Variants in FBH1 observed in about 807,000 individuals in gnomAD.
The protein encoded by FBH1 is DNA 3'-5' helicase 1.
FBH1 carries 43 observed loss-of-function variants against 115.5 expected under a neutral mutation model. That is an observed-to-expected ratio of 0.37 (90% CI 0.29 to 0.48). The LOEUF (loss-of-function observed/expected upper bound fraction) is 0.48, where lower values mean the gene tolerates loss of function less well. Among genes scored for constraint, FBH1 ranks in the 20% least tolerant of loss-of-function variants. The pLI, the probability that FBH1 is intolerant of heterozygous loss-of-function variation, is 0.99. For missense variants in FBH1, 1,001 were observed against 1,337.3 expected, an observed-to-expected ratio of 0.75 and a Z score of 3.92; for synonymous variants, 524 against 507.8, an observed-to-expected ratio of 1.03 and a Z score of -0.43.
Position 5,921,213 on chromosome 10 carries a change from C to T in FBH1, c.2101-45C>T, listed in dbSNP as rs773157214. Reference sequence around the variant, plus strand: ...CAGCAGTGATGGAAATGCACGGACACACCACAGGGCGGGCTGCTGACTCCC... The same window carrying T: ...CAGCAGTGATGGAAATGCACGGACATACCACAGGGCGGGCTGCTGACTCCC... On this transcript the variant is annotated intron_variant, in intron 13 of 20. Transcript: ENST00000362091. The surrounding 1 kb of genome is among the most constrained non-coding windows in gnomAD (Gnocchi z 6.4). The T allele has an allele frequency of 2.5e-5, 39 of 1,580,780 alleles. No homozygotes were observed. Among genetic ancestry groups the T allele is most frequent in the Admixed American group, 1.2e-4 (7 of 59,748 alleles).
chr10:5,924,896 T>C lies in FBH1; in HGVS notation c.2596+388T>C, dbSNP rs79806475. On this transcript the variant is annotated intron_variant, in intron 17 of 20. Coordinates refer to ENST00000362091, the MANE Select transcript of FBH1 (RefSeq NM_178150.3). This position sits in a 1 kb window ranked among gnomAD's most constrained non-coding sequence, Gnocchi z 6.2. ...TGCTGTTTCTTCCCTGTGTGGAATATCTTTGAGCAAGGATGGCTTTATTGC... is the reference window on the plus strand; with the variant it reads ...TGCTGTTTCTTCCCTGTGTGGAATACCTTTGAGCAAGGATGGCTTTATTGC... The C allele has an allele frequency of 4.3e-4, 159 of 373,884 alleles. No individual in the cohort carries two copies. Among genetic ancestry groups the C allele is most frequent in the African/African-American group, 2.7e-3 (128 of 47,680 alleles). The allele number at this position is 373,884 out of a possible 1,614,324, so 23.2% of individuals were successfully genotyped here. A position where few individuals can be genotyped will look rare whatever the true frequency, so the allele number is the denominator to read the frequency against.
In FBH1 at chr10:5,909,392, T is replaced by TATATTTATAAATA; in HGVS notation, c.1020+98_1020+99insATATTTATAAATA. The TATATTTATAAATA allele has an allele frequency of 7.4e-7, 1 of 1,350,680 alleles. No homozygotes were observed. Among genetic ancestry groups the TATATTTATAAATA allele is most frequent in the Non-Finnish European group, 9.9e-7 (1 of 1,007,080 alleles). 83.7% of individuals were successfully genotyped at this position (1,350,680 alleles called of 1,614,324 possible). A position where few individuals can be genotyped will look rare whatever the true frequency, so the allele number is the denominator to read the frequency against. On this transcript the variant is annotated intron_variant, in intron 5 of 20. Coordinates refer to ENST00000362091, the MANE Select transcript of FBH1 (RefSeq NM_178150.3). The surrounding 1 kb of genome is among the most constrained non-coding windows in gnomAD (Gnocchi z 4.4). ...ATTGAGGATGACTTTATATTTATTTTTAATGTCTGTATTTAATCTCTGAAT... is the reference window on the plus strand; with the variant it reads ...ATTGAGGATGACTTTATATTTATTTTATATTTATAAATATAATGTCTGTATTTAATCTCTGAAT...
rs367666289 is a variant in FBH1, at chr10:5,918,486, C to T, written c.2100+8C>T. ...GTCTTCTATCTCACGCAGGTAAGTG[C>T]GCACTCTGCATGGGAGGCATTGCAT... On this transcript the variant is annotated splice_region_variant and intron_variant, in intron 13 of 20. Coordinates refer to ENST00000362091, the MANE Select transcript of FBH1 (RefSeq NM_178150.3). The surrounding 1 kb of genome is among the most constrained non-coding windows in gnomAD (Gnocchi z 4.0). The T allele has an allele frequency of 1.5e-5, 23 of 1,586,038 alleles. No individual in the cohort carries two copies. The highest frequency in any genetic ancestry group is 5.8e-5 in the Admixed American group (3 of 51,854).
In FBH1 at chr10:5,923,855, C is replaced by T; in HGVS notation, c.2398+159C>T. The T allele has an allele frequency of 3.1e-6, 2 of 643,280 alleles. No homozygotes were observed. The allele number at this position is 643,280 out of a possible 1,614,324, so 39.8% of individuals were successfully genotyped here. A position where few individuals can be genotyped will look rare whatever the true frequency, so the allele number is the denominator to read the frequency against. On this transcript the variant is annotated intron_variant, in intron 16 of 20. Transcript: ENST00000362091. The surrounding 1 kb of genome is among the most constrained non-coding windows in gnomAD (Gnocchi z 5.7). ...TGACGAGGGGGGTGCCTCGGGCCTCCTGTTTTCATAGGTACTGACAGATTT... is the reference window on the plus strand; with the variant it reads ...TGACGAGGGGGGTGCCTCGGGCCTCTTGTTTTCATAGGTACTGACAGATTT...
At chr10:5,904,977 T>C (rs1843608975) in intron 2 of FBH1, among the ~76,000 whole-genome samples, 1 of 152,224 alleles carries the variant, frequency 6.6e-6, no homozygotes, top group Non-Finnish European at 1.5e-5. Flanking sequence ...CTATGTATTA[T>C]TGATAAAGTG....
rs1589082261 is a variant in FBH1, at chr10:5,913,741, TGGTAGGA to T, written c.1212-5_1213del. ...GACTTTCTAAATCTACTTTTTTTTC[TGGTAGGA>T]TTCACTACAACATTTTCTATTGCCT... On this transcript the variant is annotated splice_acceptor_variant and splice_polypyrimidine_tract_variant and coding_sequence_variant and intron_variant, in exon 7 of 21. Coordinates refer to ENST00000362091, the MANE Select transcript of FBH1 (RefSeq NM_178150.3). LOFTEE classifies it high-confidence loss of function. This position sits in a 1 kb window ranked among gnomAD's most constrained non-coding sequence, Gnocchi z 4.4. 2.0e-6 allele frequency: 3 copies of T among 1,534,694 alleles called. No individual in the cohort carries two copies. The highest frequency in any genetic ancestry group is 2.5e-5 in the Admixed American group (1 of 40,776).
In FBH1 at chr10:5,933,821, A is replaced by AT. The variant is rs200723371; in HGVS notation, c.2830-2625dup. ...CCATACCTGGCTAATTTTTTTTGGT[A>AT]TTTTTTTTTTGTTAAAGACGAGGTT... On this transcript the variant is annotated intron_variant, in intron 19 of 20. Transcript: ENST00000362091. The surrounding 1 kb of genome is among the most constrained non-coding windows in gnomAD (Gnocchi z 4.9). Among the ~76,000 whole-genome samples, 24 of 148,022 alleles carry AT rather than the reference A, an allele frequency of 1.6e-4. No homozygotes were observed. The highest frequency in any genetic ancestry group is 3.4e-3 in the Middle Eastern group (1 of 290).
chr10:5,922,312 T>C (rs911469886), intron 15 of FBH1, among the ~76,000 whole-genome samples: 4 of 152,230 alleles, frequency 2.6e-5, no homozygotes, highest in Admixed American at 6.5e-5. Flanking sequence ...TTCTCATTTT[T>C]GCTATTTTTG....
intron 1 of FBH1, among the ~76,000 whole-genome samples, chr10:5,898,594 A>C (rs1007989912): frequency 6.6e-6 from 1 of 152,076 alleles, no homozygotes; most frequent in African/African-American, 2.4e-5. Flanking sequence ...TATTTTTAGT[A>C]GAGATGGGGT....
Position 5,911,082 on chromosome 10 carries a change from G to T in FBH1, c.1165G>T (p.Val389Leu). 6.2e-7 allele frequency: 1 copy of T among 1,613,554 alleles called. No homozygotes were observed. Among genetic ancestry groups the T allele is most frequent in the Non-Finnish European group, 8.5e-7 (1 of 1,179,968 alleles). The change falls in exon 6 of 21, where the codon GTG (valine) becomes TTG (leucine). Residue 389 changes from valine to leucine, a missense_variant. Val to Leu is a conservative substitution (Grantham distance 32). This residue lies in a region of FBH1 where 59 missense variants were observed against 79.7 expected (regional missense o/e 0.74). Transcript: ENST00000362091. This position sits in a 1 kb window ranked among gnomAD's most constrained non-coding sequence, Gnocchi z 5.4. Reference protein sequence around the residue: ...DVTETLYCIAVLLYAMREKGI... With the variant: ...DVTETLYCIALLLYAMREKGI... ...CACCGAGACCCTGTACTGCATAGCCGTGCTTCTCTACGCCATGAGGGAGAA... is the reference window on the plus strand; with the variant it reads ...CACCGAGACCCTGTACTGCATAGCCTTGCTTCTCTACGCCATGAGGGAGAA...
Position 5,895,350 on chromosome 10 carries a change from G to T in FBH1, c.1+5004G>T, listed in dbSNP as rs1319385570. On this transcript the variant is annotated intron_variant, in intron 1 of 20. Coordinates refer to ENST00000362091, the MANE Select transcript of FBH1 (RefSeq NM_178150.3). This position sits in a 1 kb window ranked among gnomAD's most constrained non-coding sequence, Gnocchi z 5.0. ...TAGCGAGTCAACTTGATTTTTTTTTGAAAAAGCAATTATTTAATAATAATA... is the reference window on the plus strand; with the variant it reads ...TAGCGAGTCAACTTGATTTTTTTTTTAAAAAGCAATTATTTAATAATAATA... 1.3e-5 allele frequency among the ~76,000 whole-genome samples: 2 copies of T among 151,510 alleles called. No homozygotes were observed. The highest frequency in any genetic ancestry group is 2.9e-5 in the Non-Finnish European group (2 of 67,844).
In FBH1 at chr10:5,900,883, G is replaced by A. The variant is rs914681844; in HGVS notation, c.2-2137G>A. On this transcript the variant is annotated intron_variant, in intron 1 of 20. Coordinates refer to ENST00000362091, the MANE Select transcript of FBH1 (RefSeq NM_178150.3). This position sits in a 1 kb window ranked among gnomAD's most constrained non-coding sequence, Gnocchi z 4.2. ...AGGCCGAGGTGGACGGATCACTTGA[G>A]GCCAGGAGTTCGAGACCAGCCTGGC... Among the ~76,000 whole-genome samples the A allele has an allele frequency of 1.3e-5, 2 of 152,088 alleles. No homozygotes were observed. The highest frequency in any genetic ancestry group is 2.9e-5 in the Non-Finnish European group (2 of 68,018).
Position 5,911,822 on chromosome 10 carries a change from G to C in FBH1, c.1211+694G>C, listed in dbSNP as rs1243316435. ...CTGTGGGGTGAATGCTGCTTTAGAGGGGTGGAAAAAGCTTCTCTGAGCAGG... is the reference window on the plus strand; with the variant it reads ...CTGTGGGGTGAATGCTGCTTTAGAGCGGTGGAAAAAGCTTCTCTGAGCAGG... On this transcript the variant is annotated intron_variant, in intron 6 of 20. Coordinates refer to ENST00000362091, the MANE Select transcript of FBH1 (RefSeq NM_178150.3). This position sits in a 1 kb window ranked among gnomAD's most constrained non-coding sequence, Gnocchi z 5.4. Among the ~76,000 whole-genome samples the C allele has an allele frequency of 6.6e-6, 1 of 152,196 alleles. No individual in the cohort carries two copies. The highest frequency in any genetic ancestry group is 1.5e-5 in the Non-Finnish European group (1 of 68,036).
rs1833033326 is a variant in FBH1, at chr10:5,932,731, T to A, written c.2830-3725T>A. 6.6e-6 allele frequency among the ~76,000 whole-genome samples: 1 copy of A among 152,200 alleles called. No homozygotes were observed. The highest frequency in any genetic ancestry group is 6.5e-5 in the Admixed American group (1 of 15,284). On this transcript the variant is annotated intron_variant, in intron 19 of 20. Transcript: ENST00000362091. The surrounding 1 kb of genome is among the most constrained non-coding windows in gnomAD (Gnocchi z 5.9). ...TTTTCTGTTGTTTTGTTTTGTTTTG[T>A]TTTTGAGACAAGGCCTGGCTCTGTC...
At chr10:5,905,904 G>T in intron 2 of FBH1, 133 bp from the exon 3 acceptor site, 1 of 621,368 alleles carries the variant, frequency 1.6e-6, no homozygotes, top group South Asian at 2.2e-5. Flanking sequence ...TAATCAGTTG[G>T]CCCATAAATG....
At position 5,918,061 on chromosome 10, in the gene FBH1, GAGA is replaced by G. The variant is rs1160186480; in HGVS notation, c.1964-277_1964-275del. On this transcript the variant is annotated intron_variant, in intron 12 of 20. Coordinates refer to ENST00000362091, the MANE Select transcript of FBH1 (RefSeq NM_178150.3). This position sits in a 1 kb window ranked among gnomAD's most constrained non-coding sequence, Gnocchi z 4.0. The stretch of plus-strand genomic sequence containing the variant: ...GTCAATTTTGAGTGCTATAATATTA[GAGA>G]AGACACTGCCTCATTTTAGATTTGC... 2.7e-5 allele frequency among the ~76,000 whole-genome samples: 4 copies of G among 149,118 alleles called. No individual in the cohort carries two copies. Among genetic ancestry groups the G allele is most frequent in the Admixed American group, 2.0e-4 (3 of 15,070 alleles).
At chr10:5,919,460 T>C (rs1276327157) in intron 13 of FBH1, among the ~76,000 whole-genome samples, 4 of 152,168 alleles carry the variant, frequency 2.6e-5, no homozygotes, top group Non-Finnish European at 5.9e-5. Context: ...TACTCCAGCC[T>C]GGGTGACAGA....
rs572832710 is a variant in FBH1 at position 5,917,745 on chromosome 10, C to T, written c.1963+69C>T. On this transcript the variant is annotated intron_variant, in intron 12 of 20. Coordinates refer to ENST00000362091, the MANE Select transcript of FBH1 (RefSeq NM_178150.3). This position sits in a 1 kb window ranked among gnomAD's most constrained non-coding sequence, Gnocchi z 5.6. Reference sequence around the variant, plus strand: ...ACAGCGCCATGATTATGTAAGAGGACACCTGTGTGAACTAAGTTGATTATT... The same window carrying T: ...ACAGCGCCATGATTATGTAAGAGGATACCTGTGTGAACTAAGTTGATTATT... 3.2e-4 allele frequency: 369 copies of T among 1,162,788 alleles called. No homozygotes were observed. The highest frequency in any genetic ancestry group is 4.2e-4 in the Non-Finnish European group (332 of 788,250). 72.0% of individuals were successfully genotyped at this position (1,162,788 alleles called of 1,614,324 possible). A position where few individuals can be genotyped will look rare whatever the true frequency, so the allele number is the denominator to read the frequency against.
chr10:5,917,227 C>G lies in FBH1; in HGVS notation c.1789-193C>G. ...GGGCATGGCACGGCCCGGCTGCTTC[C>G]TGTCTCAGCACTGGAGACCCTCTGG... On this transcript the variant is annotated intron_variant, in intron 10 of 20. Transcript: ENST00000362091. This position sits in a 1 kb window ranked among gnomAD's most constrained non-coding sequence, Gnocchi z 5.6. 2 of 593,914 alleles carry G rather than the reference C, an allele frequency of 3.4e-6. No homozygotes were observed. The highest frequency in any genetic ancestry group is 6.1e-6 in the Non-Finnish European group (2 of 330,202). The allele number at this position is 593,914 out of a possible 1,614,324, so 36.8% of individuals were successfully genotyped here. A position where few individuals can be genotyped will look rare whatever the true frequency, so the allele number is the denominator to read the frequency against.
Sources: allele counts gnomAD v4.1 joint callset (sites outside exome capture counted in the v4.1 genomes callset), GRCh38; gene constraint gnomAD v4.1.1; regional missense constraint gnomAD v4.1.1; non-coding constraint Gnocchi (gnomAD v3.1); transcripts MANE v1.5; gene names NCBI Gene and HGNC (gene_info 2026-07-23, HGNC 2026-07-21).